Variants in STK24 observed in about 807,000 individuals in gnomAD.
The protein encoded by STK24 is serine/threonine-protein kinase 24.
STK24 carries 21 observed loss-of-function variants against 55.6 expected under a neutral mutation model. The observed-to-expected ratio is 0.38, with a 90% CI of 0.27 to 0.54. STK24 has a LOEUF of 0.54. STK24 is among the 20% of genes least tolerant of loss of function. STK24 has a pLI of 0.79. For missense variants in STK24, 383 were observed against 538.4 expected (o/e 0.71, Z 2.86); for synonymous variants, 200 against 215.2 (o/e 0.93, Z 0.62).
intron 5 of STK24, among the ~76,000 whole-genome samples, chr13:98,472,295 T>A (rs368897313): frequency 8.5e-5 from 13 of 152,296 alleles, no homozygotes; most frequent in African/African-American, 3.1e-4. Context: ...AAAGTCAATT[T>A]CACATCAACA....
chr13:98,464,757 A>C (rs1893866948), intron 6 of STK24, among the ~76,000 whole-genome samples: 1 of 152,010 alleles, frequency 6.6e-6, no homozygotes, highest in African/African-American at 2.4e-5. Context: ...TCGGCCTCCC[A>C]AAGTGCTGGG....
chr13:98,562,825 A>G (rs1897461533), intron 1 of STK24, among the ~76,000 whole-genome samples: 2 of 151,414 alleles, frequency 1.3e-5, no homozygotes, highest in Non-Finnish European at 1.5e-5. Context: ...CTGAGGCAGG[A>G]GAACCACATG....
chr13:98,489,627 T>C (rs1446087234), intron 2 of STK24, among the ~76,000 whole-genome samples: 1 of 152,144 alleles, frequency 6.6e-6, no homozygotes, highest in Non-Finnish European at 1.5e-5. Context: ...CTCACGAAGG[T>C]CCGTCTAACC....
chr13:98,501,706 A>G (rs1434750593), intron 2 of STK24, among the ~76,000 whole-genome samples: 3 of 152,142 alleles, frequency 2.0e-5, no homozygotes, highest in African/African-American at 4.8e-5. Context: ...ACAATAAAAA[A>G]TTTTACAAAA....
chr13:98,530,078 T>A (rs1304872871), intron 1 of STK24, among the ~76,000 whole-genome samples: 3 of 141,300 alleles, frequency 2.1e-5, no homozygotes, highest in Non-Finnish European at 4.6e-5. Flanking sequence ...ACTGGCCCTG[T>A]ATGTGGGTGC....
chr13:98,488,314 G>A (rs562960311), intron 2 of STK24, among the ~76,000 whole-genome samples: 15 of 152,234 alleles, frequency 9.9e-5, no homozygotes, highest in South Asian at 4.1e-4. Context: ...ATTAGCAAAC[G>A]AATTCCTGCT....
chr13:98,556,763 A>T (rs1034760662), intron 1 of STK24, among the ~76,000 whole-genome samples: 7 of 152,200 alleles, frequency 4.6e-5, no homozygotes, highest in Non-Finnish European at 8.8e-5. Flanking sequence ...CTGTTTAAAC[A>T]GCCTTAAATT....
chr13:98,575,653 G>A (rs1211270436), intron 1 of STK24, among the ~76,000 whole-genome samples: 5 of 152,188 alleles, frequency 3.3e-5, no homozygotes, highest in Non-Finnish European at 7.3e-5. Context: ...ACACAGGGAA[G>A]GAGCCTGTTG....
intron 2 of STK24, among the ~76,000 whole-genome samples, chr13:98,503,041 T>TTTTTTTTTTTTTCC (rs1555306354): frequency 3.4e-5 from 5 of 148,714 alleles, no homozygotes; most frequent in African/African-American, 1.3e-4. Flanking sequence ...TTTTTTTTTT[T>TTTTTTTTTTTTTCC]CAGTATGGTA....
At chr13:98,523,824 C>T (rs1212563645) in intron 1 of STK24, among the ~76,000 whole-genome samples, 3 of 152,228 alleles carry the variant, frequency 2.0e-5, no homozygotes, top group Non-Finnish European at 4.4e-5. Flanking sequence ...CAACAATAGG[C>T]AACTAATACA....
At chr13:98,507,760 C>T (rs1004811403) in intron 2 of STK24, among the ~76,000 whole-genome samples, 3 of 152,224 alleles carry the variant, frequency 2.0e-5, no homozygotes, top group African/African-American at 4.8e-5. Flanking sequence ...CTCCAGGTCT[C>T]CAGATCTCCA....
chr13:98,526,467 A>G (rs1427790387), intron 1 of STK24, among the ~76,000 whole-genome samples: 1 of 152,120 alleles, frequency 6.6e-6, no homozygotes, highest in African/African-American at 2.4e-5. Flanking sequence ...GAGCAAACTG[A>G]GCAGAAGAGA....
At chr13:98,556,521 A>AAAACAAC (rs1476355061) in intron 1 of STK24, among the ~76,000 whole-genome samples, 1 of 147,530 alleles carries the variant, frequency 6.8e-6, no homozygotes. Context: ...CTACAACTGA[A>AAAACAAC]AAACAACAAC....
Position 98,488,160 on chromosome 13 carries a change from GACACACACACACAC to G in STK24, c.274-5853_274-5840del, listed in dbSNP as rs71213678. Among the ~76,000 whole-genome samples, 239 of 130,406 alleles carry G rather than the reference GACACACACACACAC, an allele frequency of 1.8e-3. 3 individuals carry two copies. The highest frequency in any genetic ancestry group is 0.018 in the South Asian group (65 of 3,602). The allele number at this position is 130,406 out of a possible 152,430, so 85.6% of individuals were successfully genotyped here. A position where few individuals can be genotyped will look rare whatever the true frequency, so the allele number is the denominator to read the frequency against. On this transcript the variant is annotated intron_variant, in intron 2 of 10. Transcript: ENST00000539966. Reference sequence around the variant, plus strand: ...GGCTGGTGTCATAAAAAGAGATGAAGACACACACACACACACACACACACACACACACACACACA... The same window carrying G: ...GGCTGGTGTCATAAAAAGAGATGAAGACACACACACACACACACACACACA...
At chr13:98,563,630 G>T (rs1897488681) in intron 1 of STK24, among the ~76,000 whole-genome samples, 1 of 152,148 alleles carries the variant, frequency 6.6e-6, no homozygotes, top group Non-Finnish European at 1.5e-5. Flanking sequence ...AGGCTGAGGT[G>T]GGCGGATCAC....
intron 1 of STK24, among the ~76,000 whole-genome samples, chr13:98,527,657 C>A (rs529911614): frequency 6.6e-6 from 1 of 152,142 alleles, no homozygotes; most frequent in Non-Finnish European, 1.5e-5. Flanking sequence ...ACACAGGCCC[C>A]GCAGGCAAAC....
At chr13:98,556,126 C>T (rs151032144) in intron 1 of STK24, among the ~76,000 whole-genome samples, 3 of 152,166 alleles carry the variant, frequency 2.0e-5, no homozygotes, top group African/African-American at 7.2e-5. Context: ...CTGACTTCTC[C>T]TCCTTCCCCG....
At chr13:98,464,981 C>T (rs568371582) in intron 6 of STK24, among the ~76,000 whole-genome samples, 1 of 152,304 alleles carries the variant, frequency 6.6e-6, no homozygotes, top group South Asian at 2.1e-4. Context: ...TTCCCAGGTC[C>T]CTCCCTCCCT....
rs555524153 is a variant in STK24 at position 98,549,383 on chromosome 13, C to T, written c.42+27362G>A. Among the ~76,000 whole-genome samples the T allele has an allele frequency of 3.3e-5, 5 of 152,312 alleles. No homozygotes were observed. The East Asian group carries it at 5.8e-4, about 18-fold the overall frequency. Reference sequence around the variant, plus strand: ...AGCAGAAGGGACAAAGAAGCTCCCTCGGACCTCTTTTGTGAGGGCACTGAT... The same window carrying T: ...AGCAGAAGGGACAAAGAAGCTCCCTTGGACCTCTTTTGTGAGGGCACTGAT... On this transcript the variant is annotated intron_variant, in intron 1 of 10. Transcript: ENST00000539966.
Sources: gnomAD v4.1 joint callset for allele counts (sites outside exome capture counted in the v4.1 genomes callset) on GRCh38, gnomAD v4.1.1 for gene constraint, MANE v1.5 for transcripts, NCBI Gene and HGNC (gene_info 2026-07-23, HGNC 2026-07-21) for gene names.